The following GPC6 variants were observed in gnomAD, a reference collection of about 807,000 sequenced individuals.
GPC6 encodes glypican 6.
Under a neutral mutation model 55.2 loss-of-function variants are expected in GPC6, and 14 were observed. The observed-to-expected ratio is 0.25, with a 90% confidence interval of 0.17 to 0.40. The LOEUF (loss-of-function observed/expected upper bound fraction) is 0.40. Among genes scored for constraint, GPC6 ranks in the 10% least tolerant of loss-of-function variants. The probability of loss-of-function intolerance (pLI) is 1.00; values close to 1 mark genes in which losing one functional copy is unlikely to be tolerated. For synonymous variants in GPC6, 278 were observed against 259.6 expected (o/e 1.07, Z -0.68); for missense variants, 641 against 708.5 (o/e 0.90, Z 1.08).
At chr13:93,715,588 C>A (rs1883223269) in intron 2 of GPC6, among the ~76,000 whole-genome samples, 1 of 151,474 alleles carries the variant, frequency 6.6e-6, no homozygotes, top group Non-Finnish European at 1.5e-5. Flanking sequence ...AACCAGGTAA[C>A]AAACTTATAC....
intron 1 of GPC6, among the ~76,000 whole-genome samples, chr13:93,297,640 G>GTAAAAAT (rs1878539209): frequency 6.6e-6 from 1 of 151,834 alleles, no homozygotes; most frequent in African/African-American, 2.4e-5. Context: ...AAAGTAAAAA[G>GTAAAAAT]TAAAAAACAA....
intron 2 of GPC6, among the ~76,000 whole-genome samples, chr13:93,582,428 C>G (rs997972197): frequency 3.9e-5 from 6 of 152,042 alleles, no homozygotes; most frequent in African/African-American, 1.4e-4. Context: ...ACCTATTCTT[C>G]AAAATTTTGT....
At chr13:94,109,269 C>A (rs1017489312) in intron 4 of GPC6, among the ~76,000 whole-genome samples, 1 of 152,162 alleles carries the variant, frequency 6.6e-6, no homozygotes, top group African/African-American at 2.4e-5. Flanking sequence ...TGACAGAATT[C>A]TTGTAACAAT....
intron 2 of GPC6, among the ~76,000 whole-genome samples, chr13:93,823,655 C>G (rs1035776781): frequency 6.6e-6 from 1 of 152,062 alleles, no homozygotes; most frequent in Non-Finnish European, 1.5e-5. Flanking sequence ...ATGACGAAGA[C>G]AAATGGAAAT....
At chr13:94,112,874 T>C (rs1012138430) in intron 4 of GPC6, among the ~76,000 whole-genome samples, 11 of 152,130 alleles carry the variant, frequency 7.2e-5, no homozygotes, top group Non-Finnish European at 7.4e-5. Context: ...ACCTAATACC[T>C]AATTTTTATT....
At chr13:94,385,483 A>C (rs1047874374) in intron 7 of GPC6, among the ~76,000 whole-genome samples, 2 of 152,234 alleles carry the variant, frequency 1.3e-5, no homozygotes, top group Admixed American at 6.5e-5. Context: ...ATGCAATGAA[A>C]TCACTTGTAG....
intron 1 of GPC6, among the ~76,000 whole-genome samples, chr13:93,483,943 A>G (rs567009912): frequency 3.5e-4 from 53 of 152,318 alleles, no homozygotes; most frequent in Admixed American, 1.6e-3. Context: ...TTGTGTAGAA[A>G]ACAGAACACT....
chr13:93,673,734 T>C (rs1273097959), intron 2 of GPC6, among the ~76,000 whole-genome samples: 1 of 152,186 alleles, frequency 6.6e-6, no homozygotes, highest in Non-Finnish European at 1.5e-5. Flanking sequence ...GTTCCCCAAG[T>C]TATCTATAAA....
chr13:93,997,178 A>T (rs2140420848), intron 3 of GPC6, among the ~76,000 whole-genome samples: 1 of 152,288 alleles, frequency 6.6e-6, no homozygotes, highest in Non-Finnish European at 1.5e-5. Flanking sequence ...GGTTTTGATG[A>T]ATGAATGAAT....
intron 4 of GPC6, among the ~76,000 whole-genome samples, chr13:94,114,553 A>G (rs1246250730): frequency 6.6e-6 from 1 of 152,150 alleles, no homozygotes; most frequent in Non-Finnish European, 1.5e-5. Flanking sequence ...TGTCTAAAAA[A>G]TACAGAATTT....
At chr13:94,243,209 A>G (rs1328151639) in intron 4 of GPC6, among the ~76,000 whole-genome samples, 1 of 152,134 alleles carries the variant, frequency 6.6e-6, no homozygotes, top group Non-Finnish European at 1.5e-5. Context: ...AAATAAAATT[A>G]GAATGACTAA....
At chr13:93,814,195 G>T (rs1594480029) in intron 2 of GPC6, among the ~76,000 whole-genome samples, 1 of 152,078 alleles carries the variant, frequency 6.6e-6, no homozygotes, top group South Asian at 2.1e-4. Flanking sequence ...TTTTATTCCT[G>T]GTCCTTCACT....
chr13:94,314,552 C>G (rs915323618), intron 6 of GPC6, among the ~76,000 whole-genome samples: 1 of 152,180 alleles, frequency 6.6e-6, no homozygotes. Context: ...TCTGGATAGA[C>G]AAGCCACACT....
chr13:93,860,740 G>C (rs75565419), intron 3 of GPC6, among the ~76,000 whole-genome samples: 5,821 of 151,648 alleles, frequency 0.038, 349 homozygotes, highest in African/African-American at 0.13. Flanking sequence ...AGATAAATTA[G>C]AATAATGAAG....
At chr13:93,504,648 G>A (rs1299757185) in intron 1 of GPC6, among the ~76,000 whole-genome samples, 1 of 151,302 alleles carries the variant, frequency 6.6e-6, no homozygotes, top group East Asian at 1.9e-4. Context: ...AATAGCTGGA[G>A]GGAAGGATAA....
chr13:93,928,452 A>G (rs568815684), intron 3 of GPC6, among the ~76,000 whole-genome samples: 2 of 152,292 alleles, frequency 1.3e-5, no homozygotes, highest in African/African-American at 2.4e-5. Context: ...ACATAATACA[A>G]TATTGACAAA....
chr13:93,547,174 C>CAAAAAAAA (rs55697128), intron 2 of GPC6, among the ~76,000 whole-genome samples: 7 of 129,074 alleles, frequency 5.4e-5, no homozygotes, highest in African/African-American at 1.4e-4. Flanking sequence ...ACTAAAAATA[C>CAAAAAAAA]AAAAAAAAAA....
intron 4 of GPC6, among the ~76,000 whole-genome samples, chr13:94,089,965 C>T (rs868767039): frequency 6.6e-6 from 1 of 152,146 alleles, no homozygotes. Flanking sequence ...AAAACTAAGT[C>T]ATCCTGATTT....
At chr13:94,207,758 A>G (rs1447317912) in intron 4 of GPC6, among the ~76,000 whole-genome samples, 4 of 152,104 alleles carry the variant, frequency 2.6e-5, no homozygotes, top group Non-Finnish European at 5.9e-5. Flanking sequence ...TTTGGGTTGG[A>G]GTTCCAGCTT....
Sources: allele counts gnomAD v4.1 joint callset (sites outside exome capture counted in the v4.1 genomes callset), GRCh38; gene constraint gnomAD v4.1.1; transcripts MANE v1.5; gene names NCBI Gene and HGNC (gene_info 2026-07-23, HGNC 2026-07-21).